METAP2: variants seen among roughly 807,000 people sequenced by gnomAD.
METAP2 encodes methionyl aminopeptidase 2, also known as methionine aminopeptidase 2.
In METAP2, 25 loss-of-function variants were observed where a neutral mutation model predicts 59.4. That is an observed-to-expected ratio of 0.42 (90% CI 0.31 to 0.59). The LOEUF is 0.59. Ranked by LOEUF, METAP2 falls within the 20% of genes least tolerant of loss-of-function variation. The pLI, the probability that METAP2 is intolerant of heterozygous loss-of-function variation, is 0.16. For missense variants in METAP2, 366 were observed against 581.2 expected (o/e 0.63, Z 3.81); for synonymous variants, 214 against 194.1 (o/e 1.10, Z -0.85).
chr12:95,500,599 G>T (rs866487520), intron 7 of METAP2, among the ~76,000 whole-genome samples: 15 of 152,240 alleles, frequency 9.9e-5, no homozygotes, highest in Middle Eastern at 3.4e-3. Flanking sequence ...TCATGAAAGG[G>T]TGTTGAATTT....
At chr12:95,488,634 G>C (rs998842694) in intron 4 of METAP2, among the ~76,000 whole-genome samples, 3 of 151,520 alleles carry the variant, frequency 2.0e-5, no homozygotes, top group Non-Finnish European at 1.5e-5. Context: ...GTAAGGTTGG[G>C]AGCACTAATT....
At chr12:95,489,695 G>A (rs948764990) in intron 4 of METAP2, among the ~76,000 whole-genome samples, 48 of 152,154 alleles carry the variant, frequency 3.2e-4, no homozygotes, top group African/African-American at 1.0e-3. Flanking sequence ...AAAATTAGTC[G>A]GGCATGGTGG....
intron 8 of METAP2, among the ~76,000 whole-genome samples, chr12:95,510,321 G>A (rs917777529): frequency 1.3e-5 from 2 of 152,170 alleles, no homozygotes; most frequent in African/African-American, 4.8e-5. Flanking sequence ...GAATACCTGA[G>A]ACTAGGTAAT....
intron 7 of METAP2, among the ~76,000 whole-genome samples, chr12:95,502,345 A>G (rs1473877698): frequency 6.6e-6 from 1 of 152,148 alleles, no homozygotes. Context: ...TTTCCCAGAT[A>G]GGATTCATGG....
intron 8 of METAP2, among the ~76,000 whole-genome samples, chr12:95,510,820 A>G (rs1594440063): frequency 6.6e-6 from 1 of 152,232 alleles, no homozygotes; most frequent in South Asian, 2.1e-4. Context: ...GCTTTTCTTT[A>G]TGTCTTTACT....
At chr12:95,485,126 AT>A (rs2076186379) in intron 3 of METAP2, among the ~76,000 whole-genome samples, 1 of 152,224 alleles carries the variant, frequency 6.6e-6, no homozygotes, top group South Asian at 2.1e-4. Flanking sequence ...GATGTAATAC[AT>A]TATAATTTTC....
chr12:95,499,647 T>G (rs1204714813), intron 7 of METAP2, among the ~76,000 whole-genome samples: 4 of 151,802 alleles, frequency 2.6e-5, no homozygotes, highest in African/African-American at 9.7e-5. Flanking sequence ...TCAGATGGTA[T>G]TGACATTTTA....
intron 8 of METAP2, among the ~76,000 whole-genome samples, chr12:95,511,693 A>G (rs541539900): frequency 2.6e-5 from 4 of 152,114 alleles, no homozygotes; most frequent in Non-Finnish European, 5.9e-5. Flanking sequence ...CACCTGGCCT[A>G]CTTCTAGTAT....
intron 8 of METAP2, among the ~76,000 whole-genome samples, chr12:95,507,578 AT>A (rs1382905910): frequency 6.6e-6 from 1 of 152,216 alleles, no homozygotes; most frequent in Admixed American, 6.5e-5. Flanking sequence ...TTTCTTTAAA[AT>A]TTTTTTAAAT....
At chr12:95,504,202 T>A (rs770111854) in intron 8 of METAP2, 41 bp downstream of exon 8, 4 of 1,364,532 alleles carry the variant, frequency 2.9e-6, no homozygotes, top group Non-Finnish European at 4.1e-6. Flanking sequence ...AAATTGATTT[T>A]ACAAACTATT....
At chr12:95,496,178 C>A in intron 7 of METAP2, 80 bp downstream of exon 7, 1 of 845,162 alleles carries the variant, frequency 1.2e-6, no homozygotes. Context: ...AGCATTTAAG[C>A]ACTTTTAAGG....
chr12:95,487,666 T>G (rs528512648), intron 4 of METAP2, among the ~76,000 whole-genome samples: 3 of 151,680 alleles, frequency 2.0e-5, no homozygotes, highest in Non-Finnish European at 4.4e-5. Flanking sequence ...GCAGGTAGCC[T>G]TCCATATTTT....
rs2076444299 is a variant in METAP2, at chr12:95,515,816, T to G, written c.*1912T>G. Reference sequence around the variant, plus strand: ...GTTTGATGTTTAACAATAGTGCCTTTAGTAAATTATTTTACAACTAAAACA... The same window carrying G: ...GTTTGATGTTTAACAATAGTGCCTTGAGTAAATTATTTTACAACTAAAACA... On this transcript the variant is annotated 3_prime_UTR_variant, in exon 11 of 11. Transcript: ENST00000323666. 6.6e-6 allele frequency: 1 copy of G among 152,252 alleles called. No individual in the cohort carries two copies. The highest frequency in any genetic ancestry group is 2.4e-5 in the African/African-American group (1 of 41,466). The allele number at this position is 152,252 out of a possible 1,614,324, so 9.4% of individuals were successfully genotyped here.
intron 3 of METAP2, chr12:95,484,855 T>C (rs2076184323): frequency 2.2e-6 from 1 of 455,720 alleles, no homozygotes; most frequent in African/African-American, 2.0e-5. Context: ...GTGTGGTTTT[T>C]GTGTTGGCCT....
intron 8 of METAP2, among the ~76,000 whole-genome samples, chr12:95,509,387 G>A (rs2140165617): frequency 6.6e-6 from 1 of 152,248 alleles, no homozygotes; most frequent in African/African-American, 2.4e-5. Context: ...AGGGAGGTAA[G>A]GAAGACAGAG....
intron 3 of METAP2, 67 bp downstream of exon 3, chr12:95,483,347 A>G: frequency 7.8e-7 from 1 of 1,276,920 alleles, no homozygotes; most frequent in Non-Finnish European, 1.1e-6. Context: ...GTGGTGGCTC[A>G]CACCTGTGAT....
intron 4 of METAP2, among the ~76,000 whole-genome samples, chr12:95,488,511 C>CAAAAAAAAAAA (rs537119415): frequency 9.1e-5 from 7 of 76,556 alleles, no homozygotes; most frequent in African/African-American, 3.0e-4. Context: ...TTTGTCTCAC[C>CAAAAAAAAAAA]AAAAAAAAAA....
intron 3 of METAP2, 28 bp downstream of exon 3, chr12:95,483,308 A>G: frequency 6.5e-7 from 1 of 1,544,352 alleles, no homozygotes; most frequent in Middle Eastern, 1.7e-4. Context: ...ATGTTAATTG[A>G]TATATTAGAA....
chr12:95,499,082 G>A (rs2076297297), intron 7 of METAP2, among the ~76,000 whole-genome samples: 1 of 151,470 alleles, frequency 6.6e-6, no homozygotes, highest in Non-Finnish European at 1.5e-5. Flanking sequence ...TCATTTTATT[G>A]TATTGGTTTA....
Sources: allele counts gnomAD v4.1 joint callset (sites outside exome capture counted in the v4.1 genomes callset), GRCh38; gene constraint gnomAD v4.1.1; transcripts MANE v1.5; gene names NCBI Gene and HGNC (gene_info 2026-07-23, HGNC 2026-07-21).